The following ASTN2 variants were observed in gnomAD, a reference collection of about 807,000 sequenced individuals.
ASTN2 encodes the protein astrotactin-2.
Under a neutral mutation model 139.8 loss-of-function variants are expected in ASTN2, and 54 were observed. The observed-to-expected ratio is 0.39, with a 90% CI of 0.31 to 0.48. The LOEUF (loss-of-function observed/expected upper bound fraction) is 0.48, where lower values mean the gene tolerates loss of function less well. Ranked by LOEUF, ASTN2 falls within the 20% of genes least tolerant of loss-of-function variation. ASTN2 has a pLI of 0.95. For missense variants in ASTN2, 1,565 were observed against 1,725.1 expected (o/e 0.91, Z 1.64); for synonymous variants, 756 against 719.5 (o/e 1.05, Z -0.81).
chr9:117,253,355 C>T (rs1317507499), intron 2 of ASTN2, among the ~76,000 whole-genome samples: 9 of 152,194 alleles, frequency 5.9e-5, no homozygotes, highest in Admixed American at 5.9e-4. Context: ...TAGCAATGCC[C>T]TCTGGAATGC....
At chr9:116,751,426 G>A (rs939147945) in intron 13 of ASTN2, among the ~76,000 whole-genome samples, 32 of 152,174 alleles carry the variant, frequency 2.1e-4, no homozygotes, top group African/African-American at 4.1e-4. Context: ...CTCCTGATAT[G>A]TAATGGGGAC....
In ASTN2 at chr9:117,285,134, A is replaced by G. The variant is rs377627132; in HGVS notation, c.630+6192T>C. Among the ~76,000 whole-genome samples, 5 of 152,188 alleles carry G rather than the reference A, an allele frequency of 3.3e-5. No individual in the cohort carries two copies. In the East Asian group the frequency reaches 9.6e-4, roughly 29 times the overall value. ...TTAAGATATGGCCCCAAAAATAAAC[A>G]CAATATTTCAGTTCTCGCCCAGTAC... On this transcript the variant is annotated intron_variant, in intron 2 of 22. Coordinates refer to ENST00000313400, the MANE Select transcript of ASTN2 (RefSeq NM_001365068.1).
chr9:117,336,087 G>T lies in ASTN2; in HGVS notation c.443-44574C>A, dbSNP rs565816192. Among the ~76,000 whole-genome samples the T allele has an allele frequency of 4.4e-3, 660 of 150,626 alleles. 3 individuals carry two copies. The highest frequency in any genetic ancestry group is 0.014 in the African/African-American group (557 of 41,122). On this transcript the variant is annotated intron_variant, in intron 1 of 22. Coordinates refer to ENST00000313400, the MANE Select transcript of ASTN2 (RefSeq NM_001365068.1). ...AAAAAAAAAAAAAAAGGACCACCAG[G>T]CATACACAAAAATTTTCCCATTCTG...
At chr9:116,540,785 A>T (rs963525642) in intron 19 of ASTN2, 2 of 152,224 alleles carry the variant, frequency 1.3e-5, no homozygotes, top group Non-Finnish European at 2.9e-5. Context: ...GCTGGTCTTC[A>T]TAAGAGATTA....
intron 3 of ASTN2, among the ~76,000 whole-genome samples, chr9:117,204,792 T>C (rs917427581): frequency 1.3e-5 from 2 of 152,174 alleles, no homozygotes; most frequent in African/African-American, 2.4e-5. Context: ...AATAAAAGCA[T>C]TTTCCATATA....
rs545502199 is a variant in ASTN2, at chr9:117,296,006, G to A, written c.443-4493C>T. On this transcript the variant is annotated intron_variant, in intron 1 of 22. Coordinates refer to ENST00000313400, the MANE Select transcript of ASTN2 (RefSeq NM_001365068.1). ...TGAGAAATGTAGTTCAGGGCCTGGC[G>A]TGGTGGCTCACACCTGTAATACCTG... Among the ~76,000 whole-genome samples, 31 of 152,144 alleles carry A rather than the reference G, an allele frequency of 2.0e-4. No individual in the cohort carries two copies. In the South Asian group the frequency reaches 5.4e-3, roughly 27 times the overall value.
rs147327423 is a variant in ASTN2 at position 116,954,330 on chromosome 9, T to C, written c.1889+20878A>G. 4.8e-3 allele frequency among the ~76,000 whole-genome samples: 733 copies of C among 152,330 alleles called. 8 individuals carry two copies. Among genetic ancestry groups the C allele is most frequent in the African/African-American group, 0.017 (713 of 41,576 alleles). On this transcript the variant is annotated intron_variant, in intron 10 of 22. Coordinates refer to ENST00000313400, the MANE Select transcript of ASTN2 (RefSeq NM_001365068.1). ...GAGAAATGTTTCTTAATATTGAATGTGCAACTAAATCACCTGGGGATCCTG... is the reference window on the plus strand; with the variant it reads ...GAGAAATGTTTCTTAATATTGAATGCGCAACTAAATCACCTGGGGATCCTG...
intron 2 of ASTN2, among the ~76,000 whole-genome samples, chr9:117,259,382 A>T (rs1833768592): frequency 6.6e-6 from 1 of 152,158 alleles, no homozygotes; most frequent in Admixed American, 6.5e-5. Flanking sequence ...AGTTAACCTG[A>T]AAAACTAGTT....
At chr9:116,697,327 A>G (rs1860913470) in intron 16 of ASTN2, 1 of 226,218 alleles carries the variant, frequency 4.4e-6, no homozygotes, top group South Asian at 7.4e-5. Context: ...CTTAGCCCTT[A>G]TAATAACCAT....
At chr9:116,856,323 A>G (rs189879977) in intron 11 of ASTN2, among the ~76,000 whole-genome samples, 1 of 152,354 alleles carries the variant, frequency 6.6e-6, no homozygotes, top group Admixed American at 6.5e-5. Context: ...TCCAAGGGCT[A>G]GATCCCATGG....
chr9:116,573,031 A>ACACG (rs1308363681), intron 19 of ASTN2, among the ~76,000 whole-genome samples: 2 of 151,822 alleles, frequency 1.3e-5, no homozygotes, highest in Non-Finnish European at 2.9e-5. Flanking sequence ...ACACACACAC[A>ACACG]CACATATATA....
intron 5 of ASTN2, among the ~76,000 whole-genome samples, chr9:117,056,044 C>T (rs1245014571): frequency 6.6e-6 from 1 of 152,180 alleles, no homozygotes; most frequent in Non-Finnish European, 1.5e-5. Flanking sequence ...TCACGGCTCT[C>T]AAGGAACAAA....
At chr9:116,481,785 G>C (rs970710760) in intron 20 of ASTN2, among the ~76,000 whole-genome samples, 1 of 152,208 alleles carries the variant, frequency 6.6e-6, no homozygotes, top group East Asian at 1.9e-4. Context: ...CTGAGTCTTC[G>C]GCCCCCAAGC....
Position 117,414,903 on chromosome 9 carries a change from G to C in ASTN2, c.36C>G (p.Pro12=). The C allele has an allele frequency of 3.0e-6, 2 of 670,528 alleles. No individual in the cohort carries two copies. Among genetic ancestry groups the C allele is most frequent in the Non-Finnish European group, 3.9e-6 (2 of 512,610 alleles). The allele number at this position is 670,528 out of a possible 1,614,324, so 41.5% of individuals were successfully genotyped here. The change falls in exon 1 of 23, where the codon CCC becomes CCG. Residue 12 remains proline (P), a synonymous_variant. Coordinates refer to ENST00000313400, the MANE Select transcript of ASTN2 (RefSeq NM_001365068.1). This position sits in a 1 kb window ranked among gnomAD's most constrained non-coding sequence, Gnocchi z 4.2. ...TCGGCCGCCCCCGGAGCCCCGAGCC[G>C]GGGCCGGGGCTGAGCCGGGCGCCGG... ...AAAGARLSPG[P]GSGLRGRPRL...
chr9:116,527,328 G>A (rs1851137933), intron 19 of ASTN2, among the ~76,000 whole-genome samples: 2 of 152,036 alleles, frequency 1.3e-5, no homozygotes, highest in Admixed American at 6.6e-5. Flanking sequence ...CAAAAACTTA[G>A]TAAGAAAACA....
intron 16 of ASTN2, among the ~76,000 whole-genome samples, chr9:116,688,158 G>A (rs1860368724): frequency 6.6e-6 from 1 of 152,040 alleles, no homozygotes; most frequent in East Asian, 1.9e-4. Context: ...TTTGGAAATA[G>A]GGATTAAACG....
chr9:117,198,142 C>A (rs956265693), intron 3 of ASTN2, among the ~76,000 whole-genome samples: 33 of 151,876 alleles, frequency 2.2e-4, no homozygotes, highest in Non-Finnish European at 5.9e-5. Flanking sequence ...TGGTGGTTTG[C>A]TGTACCTATT....
chr9:117,029,114 A>C (rs1838178251), intron 6 of ASTN2, among the ~76,000 whole-genome samples: 2 of 152,152 alleles, frequency 1.3e-5, no homozygotes, highest in South Asian at 4.2e-4. Flanking sequence ...ATGGTCATAT[A>C]ACCTCCCTAG....
chr9:116,851,470 A>ACATCTATCTATCTATCTATCCATC (rs1231119442), intron 11 of ASTN2, among the ~76,000 whole-genome samples: 131 of 115,708 alleles, frequency 1.1e-3, no homozygotes, highest in African/African-American at 3.6e-3. Context: ...AAATTGCTAA[A>ACATCTATCTATCTATCTATCCATC]CATCTATCTA....
Sources: gnomAD v4.1 joint callset for allele counts (sites outside exome capture counted in the v4.1 genomes callset) on GRCh38, gnomAD v4.1.1 for gene constraint, Gnocchi (gnomAD v3.1) non-coding constraint, MANE v1.5 for transcripts, NCBI Gene and HGNC (gene_info 2026-07-23, HGNC 2026-07-21) for gene names.